PTPRG: variants seen among roughly 807,000 people sequenced by gnomAD.
PTPRG encodes the protein receptor-type tyrosine-protein phosphatase gamma.
Under a neutral mutation model 165.3 loss-of-function variants are expected in PTPRG, and 102 were observed. The observed-to-expected ratio is 0.62, with a 90% confidence interval of 0.53 to 0.73. PTPRG has a LOEUF of 0.73. Ranked by LOEUF, PTPRG falls within the 30% of genes least tolerant of loss-of-function variation. The pLI is 0.00. For synonymous variants in PTPRG, 675 were observed against 669.5 expected, an observed-to-expected ratio of 1.01 and a Z score of -0.13; for missense variants, 1,866 against 1,861.4, an observed-to-expected ratio of 1.00 and a Z score of -0.05.
chr3:61,918,644 A>G (rs1315330417), intron 2 of PTPRG, among the ~76,000 whole-genome samples: 1 of 152,192 alleles, frequency 6.6e-6, no homozygotes. Flanking sequence ...TCACATGGCC[A>G]AGAAAGGTGG....
intron 2 of PTPRG, among the ~76,000 whole-genome samples, chr3:61,833,067 T>TTGTGTGTGTGTGTGTGTCTGTG (rs2036349929): frequency 6.8e-6 from 1 of 146,792 alleles, no homozygotes. Context: ...TAGTATTCCA[T>TTGTGTGTGTGTGTGTGTCTGTG]TGTGTGTGTG....
At chr3:62,043,112 C>T (rs910703920) in intron 4 of PTPRG, among the ~76,000 whole-genome samples, 2 of 152,144 alleles carry the variant, frequency 1.3e-5, no homozygotes, top group Non-Finnish European at 2.9e-5. Context: ...TTTTAACAGA[C>T]AGAAGGCATG....
At chr3:62,175,812 G>C (rs1705400280) in intron 8 of PTPRG, among the ~76,000 whole-genome samples, 1 of 152,186 alleles carries the variant, frequency 6.6e-6, no homozygotes, top group African/African-American at 2.4e-5. Flanking sequence ...TAAGGCAAGT[G>C]AGGACAGGGA....
intron 1 of PTPRG, among the ~76,000 whole-genome samples, chr3:61,667,574 C>CTTTTTTT (rs1702843775): frequency 6.6e-6 from 1 of 152,094 alleles, no homozygotes; most frequent in Non-Finnish European, 1.5e-5. Flanking sequence ...CTCTATTAGG[C>CTTTTTTT]CTGACTCATG....
chr3:61,945,418 G>A (rs958784670), intron 2 of PTPRG, among the ~76,000 whole-genome samples: 2 of 151,946 alleles, frequency 1.3e-5, no homozygotes, highest in African/African-American at 2.4e-5. Flanking sequence ...AATTAGGTGG[G>A]CGTGATGGTA....
At chr3:61,847,246 G>A (rs755874895) in intron 2 of PTPRG, among the ~76,000 whole-genome samples, 1 of 152,076 alleles carries the variant, frequency 6.6e-6, no homozygotes, top group African/African-American at 2.4e-5. Context: ...ACAAGCACAC[G>A]GGGAGAACAC....
intron 5 of PTPRG, among the ~76,000 whole-genome samples, chr3:62,101,931 C>G (rs1362729059): frequency 6.6e-6 from 1 of 152,224 alleles, no homozygotes; most frequent in African/African-American, 2.4e-5. Flanking sequence ...CTTTCAAAAT[C>G]TCTCCTGATG....
rs1293109815 is a variant in PTPRG at position 62,273,468 on chromosome 3, C to T, written c.3319-230C>T. Among the ~76,000 whole-genome samples the T allele has an allele frequency of 1.3e-5, 2 of 152,028 alleles. No individual in the cohort carries two copies. Among genetic ancestry groups the T allele is most frequent in the Non-Finnish European group, 2.9e-5 (2 of 68,008 alleles). On this transcript the variant is annotated intron_variant, in intron 22 of 29. Coordinates refer to ENST00000474889, the MANE Select transcript of PTPRG (RefSeq NM_002841.4). This position sits in a 1 kb window ranked among gnomAD's most constrained non-coding sequence, Gnocchi z 4.1. The stretch of plus-strand genomic sequence containing the variant: ...AAGCAATAAGCACAGTATAGAATAC[C>T]GTGATCCAGGCACAGTATAGAATAC...
intron 4 of PTPRG, among the ~76,000 whole-genome samples, chr3:62,042,097 C>G (rs1697484000): frequency 6.6e-6 from 1 of 152,170 alleles, no homozygotes; most frequent in Admixed American, 6.5e-5. Context: ...TGTTGCCTCT[C>G]AGAGGGTCAC....
chr3:61,755,794 A>G (rs1206324917), intron 2 of PTPRG, among the ~76,000 whole-genome samples: 8 of 152,198 alleles, frequency 5.3e-5, no homozygotes, highest in Non-Finnish European at 1.0e-4. Flanking sequence ...GAGTTAGACT[A>G]TGGACAGCCT....
At chr3:62,163,358 G>A (rs1704843021) in intron 7 of PTPRG, among the ~76,000 whole-genome samples, 1 of 151,872 alleles carries the variant, frequency 6.6e-6, no homozygotes, top group Non-Finnish European at 1.5e-5. Context: ...TGGGATTTCT[G>A]TGGATTAAGT....
rs144392810 is a variant in PTPRG at position 61,674,941 on chromosome 3, A to G, written c.86-73937A>G. ...CATTTTAAATCCCCAAATCCAACAC[A>G]TTCGTTCTTTTGTGCATTTAATTAA... On this transcript the variant is annotated intron_variant, in intron 1 of 29. Transcript: ENST00000474889. Among the ~76,000 whole-genome samples, 299 of 152,342 alleles carry G rather than the reference A, an allele frequency of 2.0e-3. 2 individuals carry two copies. The highest frequency in any genetic ancestry group is 6.8e-3 in the African/African-American group (283 of 41,580).
At position 62,275,915 on chromosome 3, in the gene PTPRG, G is replaced by A. The variant is rs1559747111; in HGVS notation, c.3508G>A (p.Ala1170Thr). 6.2e-7 allele frequency: 1 copy of A among 1,612,018 alleles called. No individual in the cohort carries two copies. The highest frequency in any genetic ancestry group is 8.5e-7 in the Non-Finnish European group (1 of 1,178,744). ...TGCAAAATATGTGGAATGTTTCAGT[G>A]CTCAGAAAGAGTGTAACAAAGAAAA... ...CNAKYVECFS[A>T]QKECNKEKNR... The change falls in exon 24 of 30, where the codon GCT (alanine) becomes ACT (threonine). Residue 1170 changes from alanine (A) to threonine (T), a missense_variant. By Grantham distance (58) the Ala-to-Thr change is moderately conservative (BLOSUM62 0). Coordinates refer to ENST00000474889, the MANE Select transcript of PTPRG (RefSeq NM_002841.4).
At chr3:61,808,304 T>G (rs1157603097) in intron 2 of PTPRG, among the ~76,000 whole-genome samples, 7 of 152,218 alleles carry the variant, frequency 4.6e-5, no homozygotes, top group Non-Finnish European at 1.0e-4. Context: ...GTGTTAGCTG[T>G]TAAGATGTGG....
At chr3:62,022,718 A>G (rs1005821000) in intron 4 of PTPRG, among the ~76,000 whole-genome samples, 1 of 152,224 alleles carries the variant, frequency 6.6e-6, no homozygotes, top group Non-Finnish European at 1.5e-5. Flanking sequence ...AGCTGGAATT[A>G]TATACCTTTT....
At chr3:62,109,270 C>T (rs1033789440) in intron 5 of PTPRG, among the ~76,000 whole-genome samples, 1 of 152,124 alleles carries the variant, frequency 6.6e-6, no homozygotes, top group African/African-American at 2.4e-5. Context: ...TGTGGCTAGC[C>T]AGTTTTCCCA....
At chr3:62,178,124 C>T (rs951980825) in intron 8 of PTPRG, among the ~76,000 whole-genome samples, 2 of 145,714 alleles carry the variant, frequency 1.4e-5, no homozygotes, top group African/African-American at 5.1e-5. Flanking sequence ...TGTGGATCCA[C>T]AAATGGATGG....
chr3:62,121,385 G>T lies in PTPRG; in HGVS notation c.616-11217G>T, dbSNP rs866909874. 5.4e-4 allele frequency among the ~76,000 whole-genome samples: 82 copies of T among 152,082 alleles called. 1 individual carries two copies. Among genetic ancestry groups the T allele is most frequent in the African/African-American group, 1.9e-3 (79 of 41,410 alleles). On this transcript the variant is annotated intron_variant, in intron 5 of 29. Transcript: ENST00000474889. ...CAACCCTATGAGGTTTTTCAGGGGG[G>T]TGATCTCAACATTACATATGAGGAA...
intron 2 of PTPRG, among the ~76,000 whole-genome samples, chr3:61,965,069 C>G (rs2040237746): frequency 6.6e-6 from 1 of 151,886 alleles, no homozygotes; most frequent in South Asian, 2.1e-4. Flanking sequence ...ATGGTGAAAC[C>G]CTGTTTCTAC....
Sources: allele counts gnomAD v4.1 joint callset (sites outside exome capture counted in the v4.1 genomes callset), GRCh38; gene constraint gnomAD v4.1.1; non-coding constraint Gnocchi (gnomAD v3.1); transcripts MANE v1.5; gene names NCBI Gene and HGNC (gene_info 2026-07-23, HGNC 2026-07-21).